TENM3: variants seen among roughly 807,000 people sequenced by gnomAD.
TENM3 encodes teneurin-3.
Under a neutral mutation model 255.1 loss-of-function variants are expected in TENM3, and 63 were observed. That is an observed-to-expected ratio of 0.25 (90% CI 0.20 to 0.30). The LOEUF (loss-of-function observed/expected upper bound fraction) is 0.30, where lower values mean the gene tolerates loss of function less well. Among genes scored for constraint, TENM3 ranks in the 10% least tolerant of loss-of-function variants. The pLI is 1.00. For synonymous variants in TENM3, 1,306 were observed against 1,322.3 expected, an observed-to-expected ratio of 0.99 and a Z score of 0.27; for missense variants, 2,929 against 3,461.1, an observed-to-expected ratio of 0.85 and a Z score of 3.86.
chr4:182,202,111 T>C (rs1754219556), intron 1 of TENM3, among the ~76,000 whole-genome samples: 1 of 152,142 alleles, frequency 6.6e-6, no homozygotes, highest in South Asian at 2.1e-4. Flanking sequence ...CCAATGGGAT[T>C]GGTTAAAAGC....
chr4:182,396,504 A>C (rs1768819613), intron 3 of TENM3, among the ~76,000 whole-genome samples: 1 of 152,170 alleles, frequency 6.6e-6, no homozygotes, highest in African/African-American at 2.4e-5. Flanking sequence ...ACAAGCAAAA[A>C]ATAGCTATTA....
the TENM3 span, among the ~76,000 whole-genome samples, chr4:181,504,077 A>C: frequency 6.6e-6 from 1 of 152,198 alleles, no homozygotes; most frequent in African/African-American, 2.4e-5. Flanking sequence ...CCTGGTTTAC[A>C]CTGGAGCCGC....
intron 3 of TENM3, among the ~76,000 whole-genome samples, chr4:182,490,679 A>T (rs1735209092): frequency 6.6e-6 from 1 of 151,840 alleles, no homozygotes; most frequent in African/African-American, 2.4e-5. Context: ...CATGAAAAAT[A>T]CATTTAAAGT....
At chr4:181,738,105 G>A in the TENM3 span, among the ~76,000 whole-genome samples, 101,556 of 151,896 alleles carry the variant, frequency 0.67, 34,019 homozygotes, top group East Asian at 0.73. Context: ...CTTCTGACAA[G>A]TTGTCCATAC....
chr4:181,813,942 G>A, the TENM3 span, among the ~76,000 whole-genome samples: 133 of 152,200 alleles, frequency 8.7e-4, 1 homozygote, highest in Non-Finnish European at 1.5e-3. Context: ...GAAAAAATGG[G>A]AGAAGAAAAT....
the TENM3 span, among the ~76,000 whole-genome samples, chr4:181,825,238 T>C: frequency 6.6e-6 from 1 of 151,868 alleles, no homozygotes; most frequent in Non-Finnish European, 1.5e-5. Context: ...CCATCTCTAC[T>C]AAAAATACAA....
At chr4:182,109,053 A>G in the TENM3 span, among the ~76,000 whole-genome samples, 1 of 151,726 alleles carries the variant, frequency 6.6e-6, no homozygotes, top group African/African-American at 2.4e-5. Flanking sequence ...ATTCTACCAA[A>G]AAACATATTT....
chr4:182,017,226 C>T, the TENM3 span, among the ~76,000 whole-genome samples: 1 of 152,266 alleles, frequency 6.6e-6, no homozygotes, highest in Non-Finnish European at 1.5e-5. Flanking sequence ...CCATGTCTAT[C>T]ACCAGGCCAC....
At chr4:181,998,997 A>G in the TENM3 span, among the ~76,000 whole-genome samples, 4 of 152,152 alleles carry the variant, frequency 2.6e-5, no homozygotes, top group East Asian at 5.8e-4. Flanking sequence ...TGGAAATACT[A>G]CATGTAAAGC....
the TENM3 span, among the ~76,000 whole-genome samples, chr4:181,839,470 A>G: frequency 7.5e-5 from 11 of 146,860 alleles, no homozygotes; most frequent in African/African-American, 2.7e-4. Context: ...CTATATATAT[A>G]TACAAAATAC....
the TENM3 span, among the ~76,000 whole-genome samples, chr4:181,472,277 A>C: frequency 4.6e-5 from 7 of 152,156 alleles, no homozygotes; most frequent in Admixed American, 1.3e-4. Context: ...GACAGTGGAG[A>C]TGGAAACACA....
chr4:182,638,496 A>G (rs1343115334), intron 5 of TENM3, among the ~76,000 whole-genome samples: 2 of 151,772 alleles, frequency 1.3e-5, no homozygotes, highest in African/African-American at 4.8e-5. Context: ...AGGCCCCCCC[A>G]TTGTGCATCT....
At chr4:182,691,671 G>C (rs1757016790) in intron 12 of TENM3, among the ~76,000 whole-genome samples, 1 of 152,090 alleles carries the variant, frequency 6.6e-6, no homozygotes, top group Non-Finnish European at 1.5e-5. Context: ...CTCCTTTCTT[G>C]GGTTTCCCTT....
the TENM3 span, among the ~76,000 whole-genome samples, chr4:181,940,640 A>G: frequency 6.6e-6 from 1 of 152,232 alleles, no homozygotes; most frequent in East Asian, 1.9e-4. Flanking sequence ...GGGTGGACTC[A>G]TTGAAAAGGT....
the TENM3 span, among the ~76,000 whole-genome samples, chr4:181,823,711 CT>C: frequency 2.0e-5 from 3 of 152,144 alleles, no homozygotes; most frequent in Non-Finnish European, 2.9e-5. Flanking sequence ...AAATATTTCT[CT>C]ACTAAAGCAT....
the TENM3 span, among the ~76,000 whole-genome samples, chr4:181,528,605 A>G: frequency 6.6e-6 from 1 of 152,234 alleles, no homozygotes; most frequent in Non-Finnish European, 1.5e-5. Flanking sequence ...AATCCTCATA[A>G]CAATCCTACG....
the TENM3 span, among the ~76,000 whole-genome samples, chr4:181,988,368 C>T: frequency 9.2e-5 from 14 of 152,048 alleles, no homozygotes; most frequent in Non-Finnish European, 1.2e-4. Flanking sequence ...TTTGCAGATC[C>T]TCCACTGACT....
chr4:182,327,730 G>A (rs990234224), intron 2 of TENM3, among the ~76,000 whole-genome samples: 2 of 152,276 alleles, frequency 1.3e-5, no homozygotes, highest in South Asian at 2.1e-4. Context: ...AGCTTTTGCT[G>A]TAGGTGAGGG....
At chr4:181,886,052 T>G in the TENM3 span, among the ~76,000 whole-genome samples, 2 of 112,090 alleles carry the variant, frequency 1.8e-5, no homozygotes, top group Non-Finnish European at 1.8e-5. Context: ...TCTTGGGTTT[T>G]TTTTTTTTTT....
Sources: gnomAD v4.1 joint callset for allele counts (sites outside exome capture counted in the v4.1 genomes callset) on GRCh38, gnomAD v4.1.1 for gene constraint, MANE v1.5 for transcripts, NCBI Gene and HGNC (gene_info 2026-07-23, HGNC 2026-07-21) for gene names.